The following CDH18 variants were observed in gnomAD, a reference collection of about 807,000 sequenced individuals.
CDH18 encodes cadherin 18, also known as cadherin-18.
CDH18 carries 31 observed loss-of-function variants against 67.9 expected under a neutral mutation model. The ratio of observed to expected loss-of-function variants is 0.46; its 90% CI spans 0.34 to 0.62. CDH18 has a LOEUF of 0.62. Among genes scored for constraint, CDH18 ranks in the 20% least tolerant of loss-of-function variants. The pLI, the probability that CDH18 is intolerant of heterozygous loss-of-function variation, is 0.01. For missense variants in CDH18, 890 were observed against 975.5 expected, an observed-to-expected ratio of 0.91 and a Z score of 1.17; for synonymous variants, 362 against 347.2, an observed-to-expected ratio of 1.04 and a Z score of -0.48.
Position 19,765,008 on chromosome 5 carries a change from G to A in CDH18, c.229-17772C>T, listed in dbSNP as rs143674172. ...TTTTTTCAAATGACTGCTTACAGAA[G>A]TCTTTCTTAAATTTTTTTTGGATTT... On this transcript the variant is annotated intron_variant, in intron 3 of 12. Coordinates refer to ENST00000382275, the MANE Select transcript of CDH18 (RefSeq NM_004934.5). Among the ~76,000 whole-genome samples the A allele has an allele frequency of 5.4e-3, 818 of 152,198 alleles. 2 individuals are homozygous for A. The highest frequency in any genetic ancestry group is 0.012 in the South Asian group (57 of 4,820).
At chr5:19,831,260 G>C (rs543533788) in intron 3 of CDH18, among the ~76,000 whole-genome samples, 2 of 151,882 alleles carry the variant, frequency 1.3e-5, no homozygotes, top group Non-Finnish European at 2.9e-5. Flanking sequence ...AAAACAAAAA[G>C]TGACAAGTAA....
chr5:20,048,087 AT>A (rs1246172199), intron 2 of CDH18, among the ~76,000 whole-genome samples: 2 of 151,744 alleles, frequency 1.3e-5, no homozygotes, highest in Non-Finnish European at 3.0e-5. Context: ...GTCATTGTTG[AT>A]AAATTCTCAT....
chr5:19,595,980 CT>C (rs1424743894), intron 6 of CDH18, among the ~76,000 whole-genome samples: 1 of 152,224 alleles, frequency 6.6e-6, no homozygotes, highest in East Asian at 1.9e-4. Context: ...AAAGATCTAT[CT>C]TCCTTGATTC....
chr5:19,493,896 A>G (rs1002927953), intron 11 of CDH18, among the ~76,000 whole-genome samples: 57 of 152,134 alleles, frequency 3.7e-4, no homozygotes, highest in African/African-American at 1.4e-3. Context: ...AATGAATTTT[A>G]TTATAAATAA....
chr5:20,413,684 T>C (rs1215763176), intron 1 of CDH18, among the ~76,000 whole-genome samples: 1 of 152,252 alleles, frequency 6.6e-6, no homozygotes, highest in Non-Finnish European at 1.5e-5. Context: ...GTAAATTTGT[T>C]TAAGTTCTTT....
chr5:19,845,097 T>C (rs1007135710), intron 2 of CDH18, among the ~76,000 whole-genome samples: 1 of 152,196 alleles, frequency 6.6e-6, no homozygotes, highest in African/African-American at 2.4e-5. Context: ...CATTTTCAGC[T>C]TCTTTTAAAA....
At chr5:20,461,173 T>C (rs1751239294) in intron 1 of CDH18, among the ~76,000 whole-genome samples, 1 of 152,206 alleles carries the variant, frequency 6.6e-6, no homozygotes. Context: ...CCTTAAGTGC[T>C]GAGTATTTGT....
At chr5:20,240,249 T>C (rs548422701) in intron 2 of CDH18, among the ~76,000 whole-genome samples, 17 of 148,876 alleles carry the variant, frequency 1.1e-4, no homozygotes, top group African/African-American at 4.0e-4. Flanking sequence ...ACATTAGTTT[T>C]TATCAAATTA....
intron 2 of CDH18, among the ~76,000 whole-genome samples, chr5:20,197,976 A>G (rs1004379993): frequency 9.2e-5 from 14 of 152,050 alleles, no homozygotes; most frequent in African/African-American, 3.4e-4. Context: ...ATGAGATCTA[A>G]TGGTTTTACA....
intron 1 of CDH18, among the ~76,000 whole-genome samples, chr5:20,501,602 AT>A (rs1295641469): frequency 0.011 from 885 of 79,146 alleles, 31 homozygotes; most frequent in African/African-American, 0.04. Flanking sequence ...TATTATATAT[AT>A]ATATATATAT....
chr5:20,047,091 G>T (rs2150483035), intron 2 of CDH18, among the ~76,000 whole-genome samples: 1 of 151,818 alleles, frequency 6.6e-6, no homozygotes, highest in South Asian at 2.1e-4. Flanking sequence ...AGTATAAAAT[G>T]GTAAACAGGA....
intron 7 of CDH18, among the ~76,000 whole-genome samples, chr5:19,575,600 C>T (rs899000147): frequency 6.6e-6 from 1 of 152,114 alleles, no homozygotes. Flanking sequence ...TAGAATTGTC[C>T]TGTGGGTGCT....
chr5:20,537,904 C>T (rs968329012), intron 1 of CDH18, among the ~76,000 whole-genome samples: 1 of 152,134 alleles, frequency 6.6e-6, no homozygotes, highest in Non-Finnish European at 1.5e-5. Context: ...TAATCCCACA[C>T]AGGTGAGGAT....
chr5:20,423,946 CAAAA>C (rs553723574), intron 1 of CDH18, among the ~76,000 whole-genome samples: 2 of 63,858 alleles, frequency 3.1e-5, no homozygotes, highest in African/African-American at 1.8e-4. Context: ...GACTCCGTCT[CAAAA>C]AAAAAAAAAA....
At chr5:19,591,328 T>C (rs1745099912) in intron 6 of CDH18, 84 bp from the exon 7 acceptor site, 2 of 964,054 alleles carry the variant, frequency 2.1e-6, no homozygotes, top group African/African-American at 1.7e-5. Context: ...TTAGAGCACA[T>C]ATTCAAATGA....
intron 4 of CDH18, among the ~76,000 whole-genome samples, chr5:19,739,302 T>C (rs2150687167): frequency 6.6e-6 from 1 of 152,298 alleles, no homozygotes; most frequent in South Asian, 2.1e-4. Flanking sequence ...CTTAATATTT[T>C]TGCTCTTATC....
chr5:20,027,338 AATAC>A (rs1338919996), intron 2 of CDH18, among the ~76,000 whole-genome samples: 2 of 152,240 alleles, frequency 1.3e-5, no homozygotes, highest in African/African-American at 2.4e-5. Context: ...AATATAAATT[AATAC>A]ATACATATAT....
Position 19,866,793 on chromosome 5 carries a change from T to TA in CDH18, c.-256-27552dup, listed in dbSNP as rs540720006. Among the ~76,000 whole-genome samples, 15 of 152,090 alleles carry TA rather than the reference T, an allele frequency of 9.9e-5. 1 individual carries two copies. In the South Asian group the frequency reaches 3.1e-3, roughly 32 times the overall value. ...CAATTCGAGCATACAGTTAGGGCATTAAAAAAATGCACTCTTGGCTGGGCG... is the reference window on the plus strand; with the variant it reads ...CAATTCGAGCATACAGTTAGGGCATTAAAAAAAATGCACTCTTGGCTGGGCG... On this transcript the variant is annotated intron_variant, in intron 2 of 12. Coordinates refer to ENST00000382275, the MANE Select transcript of CDH18 (RefSeq NM_004934.5).
At position 19,792,163 on chromosome 5, in the gene CDH18, T is replaced by G. The variant is rs112362723; in HGVS notation, c.229-44927A>C. On this transcript the variant is annotated intron_variant, in intron 3 of 12. Coordinates refer to ENST00000382275, the MANE Select transcript of CDH18 (RefSeq NM_004934.5). ...GAGAATGTTTTTTTGAATTAGTAGA[T>G]AGAGTAAAAAAGATCCCCCTCCCCA... Among the ~76,000 whole-genome samples, 102 of 152,102 alleles carry G rather than the reference T, an allele frequency of 6.7e-4. 1 individual carries two copies. Among genetic ancestry groups the G allele is most frequent in the Non-Finnish European group, 8.8e-5 (6 of 68,014 alleles).
Sources: gnomAD v4.1 joint callset for allele counts (sites outside exome capture counted in the v4.1 genomes callset) on GRCh38, gnomAD v4.1.1 for gene constraint, MANE v1.5 for transcripts, NCBI Gene and HGNC (gene_info 2026-07-23, HGNC 2026-07-21) for gene names.